The following PTCRA variants were observed in gnomAD, a reference collection of about 807,000 sequenced individuals.
PTCRA encodes pre T-cell antigen receptor alpha.
A neutral mutation model predicts 13.4 loss-of-function variants in PTCRA; 9 were observed. The ratio of observed to expected loss-of-function variants is 0.67; its 90% confidence interval spans 0.41 to 1.18. The LOEUF (loss-of-function observed/expected upper bound fraction) is 1.18, where lower values mean the gene tolerates loss of function less well. Ranked by LOEUF, PTCRA falls within the 50% of genes most tolerant of loss-of-function variation. The pLI is 0.01. For synonymous variants in PTCRA, 153 were observed against 161.9 expected (o/e 0.94, Z 0.42); for missense variants, 353 against 359.8 (o/e 0.98, Z 0.15).
chr6:42,925,578 GC>G lies in PTCRA; in HGVS notation c.743del (p.Ala248AspfsTer47). 6.2e-7 allele frequency: 1 copy of G among 1,602,114 alleles called. No homozygotes were observed. The highest frequency in any genetic ancestry group is 8.5e-7 in the Non-Finnish European group (1 of 1,173,800). On this transcript the variant is annotated frameshift_variant, in exon 4 of 4. Coordinates refer to ENST00000304672, the MANE Select transcript of PTCRA (RefSeq NM_138296.3). LOFTEE classifies it low-confidence loss of function (END_TRUNC). The surrounding 1 kb of genome is among the most constrained non-coding windows in gnomAD (Gnocchi z 4.4). ...SYLSSYPTCPAQAWCSRSALR... is the reference protein window; with the variant it reads ...SYLSSYPTCPXQAWCSRSALR... Reference sequence around the variant, plus strand: ...CCTCAGCAGTTACCCCACTTGCCCAGCACAGGCCTGGTGCTCAAGATCTGCC... The same window carrying G: ...CCTCAGCAGTTACCCCACTTGCCCAGACAGGCCTGGTGCTCAAGATCTGCC...
rs768315052 is a variant in PTCRA at position 42,916,127 on chromosome 6, G to C, written c.58G>C (p.Gly20Arg). 30 of 1,613,758 alleles carry C rather than the reference G, an allele frequency of 1.9e-5. No individual in the cohort carries two copies. Among genetic ancestry groups the C allele is most frequent in the Non-Finnish European group, 2.5e-5 (30 of 1,179,816 alleles). ...CCTTGGGTGTCCAGCCCTACCCACA[G>C]GTGAGCCCCCTCTTTGCCTTCCTCT... ...LALGCPALPT[G>R]VGGTPFPSLA... Residue 20 changes from glycine to arginine, a missense_variant and splice_region_variant, in exon 1 of 4, where the codon GGT becomes CGT. Physicochemically the swap from Gly to Arg is moderately radical, Grantham distance 125. Coordinates refer to ENST00000304672, the MANE Select transcript of PTCRA (RefSeq NM_138296.3).
Position 42,925,750 on chromosome 6 carries a change from C to T in PTCRA, c.*68C>T. ...TGTCTCTGCCATCCAAAAGGGGGCC[C>T]CTTGAGAATGGTGATCCACCCAGTT... is the stretch of plus-strand genomic sequence containing the variant. On this transcript the variant is annotated 3_prime_UTR_variant, in exon 4 of 4. Transcript: ENST00000304672. The surrounding 1 kb of genome is among the most constrained non-coding windows in gnomAD (Gnocchi z 4.4). 2 of 1,137,926 alleles carry T rather than the reference C, an allele frequency of 1.8e-6. No homozygotes were observed. The highest frequency in any genetic ancestry group is 2.4e-6 in the Non-Finnish European group (2 of 823,386). The allele number at this position is 1,137,926 out of a possible 1,614,324, so 70.5% of individuals were successfully genotyped here. A position where few individuals can be genotyped will look rare whatever the true frequency, so the allele number is the denominator to read the frequency against.
chr6:42,916,922 C>T (rs1766898163), intron 1 of PTCRA, among the ~76,000 whole-genome samples: 2 of 152,052 alleles, frequency 1.3e-5, no homozygotes, highest in Non-Finnish European at 2.9e-5. Context: ...AAGGAAGTAA[C>T]CAGGGTAAGC....
intron 1 of PTCRA, among the ~76,000 whole-genome samples, chr6:42,919,400 G>A (rs533485062): frequency 6.6e-6 from 1 of 151,960 alleles, no homozygotes; most frequent in South Asian, 2.1e-4. Context: ...CATTTCTTTC[G>A]TTTGGCTATA....
At chr6:42,919,890 T>C (rs1377912637) in intron 1 of PTCRA, among the ~76,000 whole-genome samples, 1 of 146,096 alleles carries the variant, frequency 6.8e-6, no homozygotes, top group Non-Finnish European at 1.5e-5. Context: ...ACAGGTATTT[T>C]AAAAATGTAG....
chr6:42,923,921 A>G (rs1310142496), intron 2 of PTCRA, among the ~76,000 whole-genome samples: 1 of 152,210 alleles, frequency 6.6e-6, no homozygotes, highest in Non-Finnish European at 1.5e-5. Context: ...TCAAATGGGA[A>G]TGTTTGTTAA....
At chr6:42,919,644 G>A (rs1048801728) in intron 1 of PTCRA, among the ~76,000 whole-genome samples, 3 of 149,476 alleles carry the variant, frequency 2.0e-5, no homozygotes, top group Non-Finnish European at 3.0e-5. Flanking sequence ...CTGAACCCGG[G>A]TGGTCAAAGC....
chr6:42,922,088 G>GA, intron 1 of PTCRA: 1 of 585,178 alleles, frequency 1.7e-6, no homozygotes, highest in South Asian at 2.1e-5. Flanking sequence ...GAGAATAAAA[G>GA]AAAAAATACC....
At chr6:42,918,788 A>AT (rs35893765) in intron 1 of PTCRA, among the ~76,000 whole-genome samples, 17,118 of 123,208 alleles carry the variant, frequency 0.14, 1,336 homozygotes, top group Middle Eastern at 0.21. Flanking sequence ...TAGTAGGATA[A>AT]TTTTTTTTTT....
Position 42,925,378 on chromosome 6 carries a change from C to G in PTCRA, c.542C>G (p.Ser181Cys), listed in dbSNP as rs1317856724. 1 of 1,555,198 alleles carries G rather than the reference C, an allele frequency of 6.4e-7. No homozygotes were observed. The highest frequency in any genetic ancestry group is 1.4e-5 in the African/African-American group (1 of 73,422). ...CLCDPAGPLP[S>C]PATTTRLRAL... ...TGCGACCCCGCGGGCCCGCTGCCTT[C>G]CCCCGCAACCACCACCCGCCTGCGA... The change falls in exon 4 of 4, where the codon TCC becomes TGC. Residue 181 changes from serine (S) to cysteine (C), a missense_variant. Transcript: ENST00000304672. The surrounding 1 kb of genome is among the most constrained non-coding windows in gnomAD (Gnocchi z 4.4).
At position 42,917,190 on chromosome 6, in the gene PTCRA, A is replaced by ATATTATTAT. The variant is rs60630405; in HGVS notation, c.58+1098_58+1106dup. Among the ~76,000 whole-genome samples the ATATTATTAT allele has an allele frequency of 6.2e-3, 872 of 141,080 alleles. 4 individuals are homozygous for ATATTATTAT. The highest frequency in any genetic ancestry group is 0.015 in the East Asian group (75 of 4,902). 92.6% of individuals were successfully genotyped at this position (141,080 alleles called of 152,430 possible). A position where few individuals can be genotyped will look rare whatever the true frequency, so the allele number is the denominator to read the frequency against. ...CTGGGCTGGTATTATTAACAGCATT[A>ATATTATTAT]TATTATTATTATTATTATTATTATT... is the stretch of plus-strand genomic sequence containing the variant. On this transcript the variant is annotated intron_variant, in intron 1 of 3. Transcript: ENST00000304672.
At chr6:42,922,968 A>G (rs1197382053) in intron 1 of PTCRA, 59 bp from the exon 2 acceptor site, 23 of 1,507,420 alleles carry the variant, frequency 1.5e-5, no homozygotes, top group Non-Finnish European at 1.9e-5. Flanking sequence ...CTACAACACA[A>G]TGCTGGCCTG....
chr6:42,917,566 T>G (rs1388656559), intron 1 of PTCRA, among the ~76,000 whole-genome samples: 1 of 143,026 alleles, frequency 7.0e-6, no homozygotes, highest in Non-Finnish European at 1.5e-5. Flanking sequence ...TTATTATTAT[T>G]ATTAGACAGA....
chr6:42,916,587 G>A (rs1435163865), intron 1 of PTCRA, among the ~76,000 whole-genome samples: 3 of 152,154 alleles, frequency 2.0e-5, no homozygotes, highest in Admixed American at 1.3e-4. Flanking sequence ...AGGACTCAGG[G>A]TGTCTCAAGT....
At chr6:42,922,951 C>A in intron 1 of PTCRA, 76 bp from the exon 2 acceptor site, 1 of 1,364,780 alleles carries the variant, frequency 7.3e-7, no homozygotes, top group Non-Finnish European at 1.0e-6. Context: ...AAATGTAGAA[C>A]CCTAGCCTAC....
rs1461710575 is a variant in PTCRA, at chr6:42,925,080, A to T, written c.425-181A>T. 2 of 770,054 alleles carry T rather than the reference A, an allele frequency of 2.6e-6. No homozygotes were observed. Among genetic ancestry groups the T allele is most frequent in the Non-Finnish European group, 4.0e-6 (2 of 498,900 alleles). The allele number at this position is 770,054 out of a possible 1,614,324, so 47.7% of individuals were successfully genotyped here. A position where few individuals can be genotyped will look rare whatever the true frequency, so the allele number is the denominator to read the frequency against. ...GATTGTTGGGGAATAAAATAAAATG[A>T]AGGCCAGGAAGGTATGTATTATTAC... On this transcript the variant is annotated intron_variant, in intron 3 of 3. Transcript: ENST00000304672. This position sits in a 1 kb window ranked among gnomAD's most constrained non-coding sequence, Gnocchi z 4.4.
At chr6:42,917,253 C>T (rs942404441) in intron 1 of PTCRA, among the ~76,000 whole-genome samples, 4 of 147,512 alleles carry the variant, frequency 2.7e-5, no homozygotes, top group African/African-American at 7.4e-5. Context: ...GACAGAGTCT[C>T]GCACTGTCGC....
rs201876282 is a variant in PTCRA, at chr6:42,925,491, C to A, written c.655C>A (p.Arg219Ser). ...SSPRPQPRDR[R>S]WGDTPPGRKP... ...ACCCAGACCCCAGCCTCGGGACCGC[C>A]GCTGGGGTGACACCCCTCCGGGTCG... Residue 219 changes from arginine to serine, a missense_variant, in exon 4 of 4, where the codon CGC (arginine) becomes AGC (serine). Physicochemically the swap from Arg to Ser is moderately radical, Grantham distance 110. Transcript: ENST00000304672. This position sits in a 1 kb window ranked among gnomAD's most constrained non-coding sequence, Gnocchi z 4.4. 9 of 1,562,338 alleles carry A rather than the reference C, an allele frequency of 5.8e-6. No homozygotes were observed. In the East Asian group the frequency reaches 2.1e-4, roughly 37 times the overall value.
chr6:42,923,004 C>G (rs1767259252), intron 1 of PTCRA, 23 bp from the exon 2 acceptor site: 4 of 1,611,840 alleles, frequency 2.5e-6, no homozygotes, highest in Non-Finnish European at 3.4e-6. Flanking sequence ...GTCTAGCACC[C>G]ACAGGTACAT....
Sources: gnomAD v4.1 joint callset for allele counts (sites outside exome capture counted in the v4.1 genomes callset) on GRCh38, gnomAD v4.1.1 for gene constraint, Gnocchi (gnomAD v3.1) non-coding constraint, MANE v1.5 for transcripts, NCBI Gene and HGNC (gene_info 2026-07-23, HGNC 2026-07-21) for gene names.